The following ASIC2 variants were observed in gnomAD, a reference collection of about 807,000 sequenced individuals.
The protein encoded by ASIC2 is acid sensing ion channel subunit 2.
A neutral mutation model predicts 57.3 loss-of-function variants in ASIC2; 25 were observed. That is an observed-to-expected ratio of 0.44 (90% CI 0.32 to 0.61). ASIC2 has a LOEUF of 0.61. Ranked by LOEUF, ASIC2 falls within the 20% of genes least tolerant of loss-of-function variation. The probability of loss-of-function intolerance (pLI) is 0.06; values close to 1 mark genes in which losing one functional copy is unlikely to be tolerated. For missense variants in ASIC2, 641 were observed against 738.1 expected (o/e 0.87, Z 1.52); for synonymous variants, 319 against 307.5 (o/e 1.04, Z -0.39).
chr17:33,805,620 TAA>T (rs1047259803), intron 1 of ASIC2, among the ~76,000 whole-genome samples: 12 of 152,306 alleles, frequency 7.9e-5, no homozygotes, highest in African/African-American at 2.6e-4. Flanking sequence ...ATATGGTGAG[TAA>T]AAGACTTAGC....
chr17:34,025,201 T>C (rs1425651629), intron 1 of ASIC2, among the ~76,000 whole-genome samples: 1 of 152,190 alleles, frequency 6.6e-6, no homozygotes, highest in Non-Finnish European at 1.5e-5. Flanking sequence ...CCCTGAGTCT[T>C]TGTCTGGAAG....
intron 1 of ASIC2, among the ~76,000 whole-genome samples, chr17:33,558,751 C>A (rs1382953913): frequency 6.6e-6 from 1 of 151,916 alleles, no homozygotes; most frequent in East Asian, 1.9e-4. Context: ...GTAGCTGAAC[C>A]AAGAGCCATA....
chr17:33,847,769 G>A (rs1232902903), intron 1 of ASIC2, among the ~76,000 whole-genome samples: 1 of 152,190 alleles, frequency 6.6e-6, no homozygotes, highest in Non-Finnish European at 1.5e-5. Flanking sequence ...GTGATGCACA[G>A]TAGCACAGAG....
At chr17:33,133,793 T>C (rs1406799937) in intron 1 of ASIC2, among the ~76,000 whole-genome samples, 2 of 151,898 alleles carry the variant, frequency 1.3e-5, no homozygotes, top group African/African-American at 2.4e-5. Context: ...ATCAAAAGGA[T>C]AGAGGAAATG....
intron 1 of ASIC2, among the ~76,000 whole-genome samples, chr17:33,288,673 G>A (rs1452681446): frequency 6.6e-6 from 1 of 150,910 alleles, no homozygotes; most frequent in Non-Finnish European, 1.5e-5. Context: ...TTGAAAGGAA[G>A]CATTTCTATA....
chr17:33,169,358 T>C (rs1013382353), intron 1 of ASIC2, among the ~76,000 whole-genome samples: 1 of 152,190 alleles, frequency 6.6e-6, no homozygotes, highest in Non-Finnish European at 1.5e-5. Context: ...CCATGGTGCT[T>C]AGACAGCATT....
At chr17:33,213,522 T>C (rs946279100) in intron 1 of ASIC2, among the ~76,000 whole-genome samples, 1 of 152,234 alleles carries the variant, frequency 6.6e-6, no homozygotes, top group Non-Finnish European at 1.5e-5. Context: ...GCTCAGTGGC[T>C]GTAGCATGGC....
At chr17:33,416,814 G>A (rs7208776) in intron 1 of ASIC2, among the ~76,000 whole-genome samples, 32,310 of 152,112 alleles carry the variant, frequency 0.21, 4,022 homozygotes, top group African/African-American at 0.35. Context: ...AATAGGTGGC[G>A]CTGCCAAGAG....
chr17:33,744,844 C>T (rs1910214038), intron 1 of ASIC2, among the ~76,000 whole-genome samples: 2 of 152,024 alleles, frequency 1.3e-5, no homozygotes, highest in Admixed American at 1.3e-4. Context: ...TATCCAAAAA[C>T]TGGCAGAAAT....
chr17:34,104,409 CTT>C (rs1910970468), intron 1 of ASIC2, among the ~76,000 whole-genome samples: 1 of 152,036 alleles, frequency 6.6e-6, no homozygotes, highest in Admixed American at 6.6e-5. Flanking sequence ...TTAAATAAAA[CTT>C]TTGTTTATAG....
At chr17:33,979,757 T>A (rs1378289646) in intron 1 of ASIC2, among the ~76,000 whole-genome samples, 1 of 152,210 alleles carries the variant, frequency 6.6e-6, no homozygotes, top group African/African-American at 2.4e-5. Flanking sequence ...TGACATCACT[T>A]ATAAGTGGCC....
intron 1 of ASIC2, among the ~76,000 whole-genome samples, chr17:33,966,465 C>A (rs952259606): frequency 2.6e-5 from 4 of 152,136 alleles, no homozygotes; most frequent in African/African-American, 9.7e-5. Flanking sequence ...ATACCACATT[C>A]ATTCTGAAAA....
intron 1 of ASIC2, among the ~76,000 whole-genome samples, chr17:33,692,790 A>G (rs1032820417): frequency 2.6e-5 from 4 of 152,278 alleles, no homozygotes; most frequent in African/African-American, 7.2e-5. Context: ...GTGTTGCACT[A>G]TGATGGTACA....
intron 1 of ASIC2, among the ~76,000 whole-genome samples, chr17:33,465,015 G>A (rs1912815399): frequency 6.6e-6 from 1 of 152,086 alleles, no homozygotes; most frequent in South Asian, 2.1e-4. Context: ...TTAAGATAAT[G>A]TCTGGGGCAT....
At chr17:33,415,995 A>G (rs1370588955) in intron 1 of ASIC2, among the ~76,000 whole-genome samples, 1 of 152,246 alleles carries the variant, frequency 6.6e-6, no homozygotes, top group East Asian at 1.9e-4. Context: ...GCCTATGCTC[A>G]GAGCAGGGAG....
Position 33,608,351 on chromosome 17 carries a change from C to T in ASIC2, c.556-496284G>A, listed in dbSNP as rs553568741. Reference sequence around the variant, plus strand: ...GTTTGATCCCAGTCTGCTGCTCCTTCCAGTAGGCCCTAAGGCCTAGAGTTC... The same window carrying T: ...GTTTGATCCCAGTCTGCTGCTCCTTTCAGTAGGCCCTAAGGCCTAGAGTTC... On this transcript the variant is annotated intron_variant, in intron 1 of 9. Transcript: ENST00000359872. Among the ~76,000 whole-genome samples the T allele has an allele frequency of 9.9e-5, 15 of 152,230 alleles. 1 individual carries two copies. Among genetic ancestry groups the T allele is most frequent in the Middle Eastern group, 3.4e-3 (1 of 294 alleles).
At chr17:33,056,999 G>A (rs2092000650) in intron 3 of ASIC2, among the ~76,000 whole-genome samples, 1 of 152,200 alleles carries the variant, frequency 6.6e-6, no homozygotes, top group Admixed American at 6.5e-5. Context: ...AGTGTGAATG[G>A]TGTGTGTATG....
chr17:33,167,690 A>G (rs1343468283), intron 1 of ASIC2, among the ~76,000 whole-genome samples: 2 of 152,240 alleles, frequency 1.3e-5, no homozygotes, highest in African/African-American at 4.8e-5. Flanking sequence ...ATAGTGCGAC[A>G]GGCTGACTCT....
At chr17:33,874,881 G>A (rs903930430) in intron 1 of ASIC2, among the ~76,000 whole-genome samples, 4 of 152,194 alleles carry the variant, frequency 2.6e-5, no homozygotes, top group Admixed American at 2.0e-4. Context: ...CTGATTACCG[G>A]GGACCACACC....
Sources: gnomAD v4.1 joint callset for allele counts (sites outside exome capture counted in the v4.1 genomes callset) on GRCh38, gnomAD v4.1.1 for gene constraint, MANE v1.5 for transcripts, NCBI Gene and HGNC (gene_info 2026-07-23, HGNC 2026-07-21) for gene names.